SNURF: variants seen among roughly 807,000 people sequenced by gnomAD.
SNURF encodes SNURF protein.
SNURF carries 6 observed loss-of-function variants against 11.6 expected under a neutral mutation model. That is an observed-to-expected ratio of 0.52 (90% CI 0.28 to 1.02). SNURF has a LOEUF of 1.02. Among genes scored for constraint, SNURF ranks in the 50% least tolerant of loss-of-function variants. The probability of loss-of-function intolerance (pLI) is 0.09; values close to 1 mark genes in which losing one functional copy is unlikely to be tolerated. For missense variants in SNURF, 84 were observed against 88.4 expected (o/e 0.95, Z 0.20); for synonymous variants, 29 against 31.6 (o/e 0.92, Z 0.27).
chr15:24,955,204 T>A, intron 1 of SNURF, 142 bp downstream of exon 1: 1 of 1,160,434 alleles, frequency 8.6e-7, no homozygotes. Context: ...GAGAACCAGA[T>A]CCGGAATGTT....
chr15:24,976,058 T>C (rs1035228037), intron 4 of SNURF, among the ~76,000 whole-genome samples: 16 of 152,236 alleles, frequency 1.1e-4, no homozygotes, highest in Admixed American at 8.5e-4. Flanking sequence ...CAAAAGAAAT[T>C]AGTCTTGTTG....
chr15:24,975,692 T>C (rs2076979869), intron 4 of SNURF, among the ~76,000 whole-genome samples: 1 of 152,224 alleles, frequency 6.6e-6, no homozygotes, highest in African/African-American at 2.4e-5. Flanking sequence ...TGAACTCTTT[T>C]AAGTTTGTAA....
intron 3 of SNURF, chr15:24,974,414 A>G (rs767553112): frequency 5.0e-6 from 8 of 1,609,432 alleles, no homozygotes; most frequent in Middle Eastern, 3.3e-4. Context: ...AGAAGCATCA[A>G]GTTTTAACTG....
intron 2 of SNURF, among the ~76,000 whole-genome samples, chr15:24,963,358 T>C (rs528663634): frequency 6.6e-6 from 1 of 152,332 alleles, no homozygotes; most frequent in African/African-American, 2.4e-5. Flanking sequence ...GGCCCATGCC[T>C]GTAATCCCAG....
exon 1 of SNURF, chr15:24,954,989 A>C (rs1566948300): frequency 6.2e-7 from 1 of 1,608,888 alleles, no homozygotes; most frequent in Non-Finnish European, 8.5e-7. Flanking sequence ...AGTCTGGCGC[A>C]GAGTGGAGCG....
downstream of SNURF, chr15:24,978,688 TTAATTCTTAGGA>T (rs1445029644): frequency 1.8e-6 from 1 of 547,016 alleles, no homozygotes; most frequent in African/African-American, 1.9e-5. Context: ...CATATTCTCT[TTAATTCTTAGGA>T]TAAAAAGGTT....
At chr15:24,965,617 T>C (rs1260570836) in intron 2 of SNURF, among the ~76,000 whole-genome samples, 2 of 152,178 alleles carry the variant, frequency 1.3e-5, no homozygotes, top group African/African-American at 4.8e-5. Flanking sequence ...CTAAATTAGC[T>C]CTTATTCTTT....
At chr15:24,968,401 G>A in exon 3 of SNURF, 1 of 183,670 alleles carries the variant, frequency 5.4e-6, no homozygotes, top group Non-Finnish European at 1.1e-5. Flanking sequence ...TTCCTTTTGT[G>A]GGAGGTGTCA....
chr15:24,976,706 TTTA>T (rs2077097621), intron 5 of SNURF, among the ~76,000 whole-genome samples: 1 of 152,228 alleles, frequency 6.6e-6, no homozygotes, highest in African/African-American at 2.4e-5. Flanking sequence ...TAATGTGCAT[TTTA>T]TACACAAGAT....
rs572902260 is a variant in SNURF at position 24,968,318 on chromosome 15, C to T, written c.*281C>T. ...ATGCTTTTCAGGTAGTTTTCTTTTGCGTTTTTTTTAATTATATAAAAATAT... is the reference window on the plus strand; with the variant it reads ...ATGCTTTTCAGGTAGTTTTCTTTTGTGTTTTTTTTAATTATATAAAAATAT... On this transcript the variant is annotated 3_prime_UTR_variant, in exon 3 of 3. Coordinates refer to ENST00000577949, the Ensembl canonical transcript of SNURF. The T allele has an allele frequency of 1.7e-4, 52 of 300,008 alleles. 2 individuals carry two copies. The South Asian group carries it at 1.8e-3, about 10-fold the overall frequency. 18.6% of individuals were successfully genotyped at this position (300,008 alleles called of 1,614,324 possible).
At chr15:24,965,365 T>G (rs2075456190) in intron 2 of SNURF, among the ~76,000 whole-genome samples, 1 of 151,944 alleles carries the variant, frequency 6.6e-6, no homozygotes, top group South Asian at 2.1e-4. Flanking sequence ...TGGTGAAACC[T>G]CATCTCTAGA....
At chr15:24,978,723 A>G (rs1395504771), downstream of SNURF, 2 of 481,848 alleles carry the variant, frequency 4.2e-6, no homozygotes, top group Non-Finnish European at 7.3e-6. Context: ...CTGCTATCTA[A>G]CTTTCACTTT....
At chr15:24,964,318 T>A (rs1257067458) in intron 2 of SNURF, among the ~76,000 whole-genome samples, 2 of 152,136 alleles carry the variant, frequency 1.3e-5, no homozygotes, top group East Asian at 3.9e-4. Flanking sequence ...TCTTTTTTCA[T>A]CTCTTCATTC....
chr15:24,956,341 G>A (rs1024930863), intron 1 of SNURF, among the ~76,000 whole-genome samples: 1 of 146,564 alleles, frequency 6.8e-6, no homozygotes, highest in African/African-American at 2.6e-5. Context: ...TTAGATCTGC[G>A]CAAGCGCTTC....
exon 3 of SNURF, chr15:24,967,962 G>A (rs2075898316): frequency 1.9e-6 from 3 of 1,614,046 alleles, no homozygotes; most frequent in Admixed American, 1.7e-5. Flanking sequence ...GTTCTCAGCA[G>A]CAGCAAGTAC....
chr15:24,978,188 T>C (rs1425746338), downstream of SNURF: 5 of 1,612,794 alleles, frequency 3.1e-6, no homozygotes, highest in South Asian at 2.2e-5. Context: ...CATTTTTCAC[T>C]GTAGGCATTA....
chr15:24,957,938 A>G (rs1386223986), intron 1 of SNURF, among the ~76,000 whole-genome samples: 1 of 152,206 alleles, frequency 6.6e-6, no homozygotes, highest in South Asian at 2.1e-4. Flanking sequence ...TACTCAGTGA[A>G]TTGGCTCTGT....
chr15:24,960,106 A>C (rs1333694409), intron 1 of SNURF, among the ~76,000 whole-genome samples: 1 of 152,092 alleles, frequency 6.6e-6, no homozygotes, highest in African/African-American at 2.4e-5. Flanking sequence ...CTCTACTATA[A>C]ATACAAAAAT....
intron 4 of SNURF, among the ~76,000 whole-genome samples, chr15:24,976,109 T>TA (rs1305222680): frequency 6.6e-6 from 1 of 152,244 alleles, no homozygotes; most frequent in African/African-American, 2.4e-5. Context: ...AGACTAAAGT[T>TA]AGATTAGAAA....
Sources: gnomAD v4.1 joint callset for allele counts (sites outside exome capture counted in the v4.1 genomes callset) on GRCh38, gnomAD v4.1.1 for gene constraint, MANE v1.5 for transcripts, NCBI Gene and HGNC (gene_info 2026-07-23, HGNC 2026-07-21) for gene names.